The following ADGRL2 variants were observed in gnomAD, a reference collection of about 807,000 sequenced individuals.
ADGRL2 encodes calcium-independent alpha-latrotoxin receptor 2.
Under a neutral mutation model 157.4 loss-of-function variants are expected in ADGRL2, and 44 were observed. The ratio of observed to expected loss-of-function variants is 0.28; its 90% CI spans 0.22 to 0.36. ADGRL2 has a LOEUF of 0.36. ADGRL2 is among the 10% of genes least tolerant of loss of function. The pLI is 1.00. For synonymous variants in ADGRL2, 585 were observed against 624.7 expected, an observed-to-expected ratio of 0.94 and a Z score of 0.95; for missense variants, 1,510 against 1,768.9, an observed-to-expected ratio of 0.85 and a Z score of 2.63.
intron 2 of ADGRL2, among the ~76,000 whole-genome samples, chr1:81,538,774 G>A (rs2079807623): frequency 6.6e-6 from 1 of 152,092 alleles, no homozygotes; most frequent in South Asian, 2.1e-4. Context: ...GGAGGCCAAG[G>A]CGGGCAGATT....
intron 2 of ADGRL2, among the ~76,000 whole-genome samples, chr1:81,534,063 T>C (rs753988346): frequency 2.6e-5 from 4 of 152,266 alleles, no homozygotes; most frequent in Non-Finnish European, 4.4e-5. Flanking sequence ...GTGCTGTTTA[T>C]TAAAATGTGG....
chr1:81,581,511 A>C (rs1197261678), intron 3 of ADGRL2, among the ~76,000 whole-genome samples: 1 of 152,190 alleles, frequency 6.6e-6, no homozygotes, highest in Non-Finnish European at 1.5e-5. Flanking sequence ...GATCCCAGAA[A>C]GCATTAGCTC....
intron 1 of ADGRL2, among the ~76,000 whole-genome samples, chr1:81,398,417 G>T (rs1345263884): frequency 6.6e-6 from 1 of 151,914 alleles, no homozygotes; most frequent in Non-Finnish European, 1.5e-5. Flanking sequence ...CAGTTTGGTG[G>T]TTTTCTGTAA....
intron 1 of ADGRL2, among the ~76,000 whole-genome samples, chr1:81,405,772 C>G (rs2076843486): frequency 6.6e-6 from 1 of 152,024 alleles, no homozygotes; most frequent in African/African-American, 2.4e-5. Context: ...TGAACAGTCT[C>G]CACACCTCCC....
intron 1 of ADGRL2, among the ~76,000 whole-genome samples, chr1:81,326,290 C>G (rs1211573070): frequency 1.4e-4 from 21 of 152,156 alleles, no homozygotes; most frequent in Non-Finnish European, 2.9e-4. Context: ...GATTGTAGCT[C>G]AGGAATAGTA....
intron 1 of ADGRL2, among the ~76,000 whole-genome samples, chr1:81,385,518 C>A (rs747473758): frequency 1.7e-4 from 26 of 151,728 alleles, no homozygotes; most frequent in Non-Finnish European, 4.4e-5. Context: ...AAAGAATAAA[C>A]CTGAGGGTAA....
intron 3 of ADGRL2, among the ~76,000 whole-genome samples, chr1:81,647,610 C>T (rs888129255): frequency 6.6e-6 from 1 of 152,164 alleles, no homozygotes; most frequent in African/African-American, 2.4e-5. Context: ...TTGGTCCCAT[C>T]CTCAAGGTAT....
At chr1:81,528,748 T>C (rs1416870465) in intron 2 of ADGRL2, among the ~76,000 whole-genome samples, 1 of 150,324 alleles carries the variant, frequency 6.7e-6, no homozygotes, top group Non-Finnish European at 1.5e-5. Context: ...TAATAAAGAC[T>C]CAATAAACAT....
chr1:81,653,429 T>C (rs2082464002), intron 3 of ADGRL2, among the ~76,000 whole-genome samples: 1 of 151,860 alleles, frequency 6.6e-6, no homozygotes, highest in South Asian at 2.1e-4. Flanking sequence ...TTCAGTCCTT[T>C]TCCTCCTGTG....
At position 81,990,439 on chromosome 1, in the gene ADGRL2, C is replaced by T. The variant is rs143139172; in HGVS notation, c.3704C>T (p.Pro1235Leu). The T allele has an allele frequency of 2.0e-5, 33 of 1,613,940 alleles. No individual in the cohort carries two copies. The highest frequency in any genetic ancestry group is 6.6e-5 in the South Asian group (6 of 91,084). ...ARDTSAMDTL[P>L]LNGNFNNSYS... ...GATACAAGTGCCATGGATACTCTAC[C>T]GCTAAATGGTAATTTTAACAACAGC... Residue 1235 changes from proline to leucine, a missense_variant, in exon 24 of 24, where the codon CCG becomes CTG. This residue lies in a region of ADGRL2 where 327 missense variants were observed against 310.1 expected (regional missense o/e 1.05). Transcript: ENST00000686636.
At chr1:81,618,114 C>T (rs756992143) in intron 3 of ADGRL2, among the ~76,000 whole-genome samples, 5 of 151,618 alleles carry the variant, frequency 3.3e-5, no homozygotes, top group Admixed American at 6.6e-5. Context: ...TTTGCAGCCT[C>T]GGGAAGCCAG....
rs918123748 is a variant in ADGRL2, at chr1:81,680,883, G to T, written c.-142-80928G>T. Among the ~76,000 whole-genome samples, 11 of 152,056 alleles carry T rather than the reference G, an allele frequency of 7.2e-5. No homozygotes were observed. The South Asian group carries it at 1.0e-3, about 14-fold the overall frequency. Reference sequence around the variant, plus strand: ...TTACAAGTAAAGGAAGTGATGAAAAGGAATTTTTTTCAAGGCTGGGATTTT... The same window carrying T: ...TTACAAGTAAAGGAAGTGATGAAAATGAATTTTTTTCAAGGCTGGGATTTT... On this transcript the variant is annotated intron_variant, in intron 3 of 24. Coordinates refer to the ADGRL2 transcript ENST00000370721.
chr1:81,393,439 T>A (rs2076596242), intron 1 of ADGRL2, among the ~76,000 whole-genome samples: 1 of 152,108 alleles, frequency 6.6e-6, no homozygotes. Context: ...CACCAATTAC[T>A]TCATACATGA....
chr1:81,503,336 A>G, intron 2 of ADGRL2: 2 of 1,614,044 alleles, frequency 1.2e-6, no homozygotes, highest in East Asian at 2.2e-5. Flanking sequence ...CCTGTGGTCC[A>G]CCTCATCACG....
intron 2 of ADGRL2, among the ~76,000 whole-genome samples, chr1:81,513,695 T>A (rs2148108552): frequency 6.6e-6 from 1 of 152,156 alleles, no homozygotes; most frequent in South Asian, 2.1e-4. Flanking sequence ...AGATTTTAGG[T>A]TTTTAGGAAG....
At chr1:81,620,114 G>A (rs1021164397) in intron 3 of ADGRL2, among the ~76,000 whole-genome samples, 3 of 152,098 alleles carry the variant, frequency 2.0e-5, no homozygotes, top group South Asian at 2.1e-4. Flanking sequence ...GACGAGGGCC[G>A]GGTTCTGAGA....
In ADGRL2 at chr1:81,707,792, C is replaced by T. The variant is rs529425684; in HGVS notation, c.-143+7984C>T. ...TATTCGAATACTTTTTTATTAGCCA[C>T]CCACAGCTCCTCTTCAACTACATGC... On this transcript the variant is annotated intron_variant, in intron 1 of 20. Transcript: ENST00000359929. 2.0e-5 allele frequency among the ~76,000 whole-genome samples: 3 copies of T among 152,194 alleles called. No individual in the cohort carries two copies. The East Asian group carries it at 5.8e-4, about 29-fold the overall frequency.
At chr1:81,643,726 A>G (rs1478284412) in intron 3 of ADGRL2, among the ~76,000 whole-genome samples, 1 of 152,212 alleles carries the variant, frequency 6.6e-6, no homozygotes, top group Non-Finnish European at 1.5e-5. Flanking sequence ...ACAACTACAA[A>G]ACCCTGATGA....
At chr1:81,544,458 G>T (rs917278519) in intron 2 of ADGRL2, among the ~76,000 whole-genome samples, 1 of 152,210 alleles carries the variant, frequency 6.6e-6, no homozygotes, top group African/African-American at 2.4e-5. Flanking sequence ...TAAATCAGGG[G>T]ATACTTGGAT....
Sources: allele counts gnomAD v4.1 joint callset (sites outside exome capture counted in the v4.1 genomes callset), GRCh38; gene constraint gnomAD v4.1.1; regional missense constraint gnomAD v4.1.1; transcripts MANE v1.5; gene names NCBI Gene and HGNC (gene_info 2026-07-23, HGNC 2026-07-21).